SEMA5A: variants seen among roughly 807,000 people sequenced by gnomAD.
The protein encoded by SEMA5A is semaphorin-5A.
In SEMA5A, 55 loss-of-function variants were observed where a neutral mutation model predicts 135.5. That is an observed-to-expected ratio of 0.41 (90% CI 0.33 to 0.51). SEMA5A has a LOEUF of 0.51. SEMA5A is among the 20% of genes least tolerant of loss of function. The pLI is 0.37. For missense variants in SEMA5A, 1,290 were observed against 1,419.9 expected, an observed-to-expected ratio of 0.91 and a Z score of 1.47; for synonymous variants, 580 against 546.5, an observed-to-expected ratio of 1.06 and a Z score of -0.85.
chr5:9,328,402 G>T (rs1752970984), intron 4 of SEMA5A, among the ~76,000 whole-genome samples: 1 of 152,200 alleles, frequency 6.6e-6, no homozygotes, highest in African/African-American at 2.4e-5. Context: ...ACATATAAAT[G>T]TAGAAATCTC....
chr5:9,097,079 T>A (rs1318555007), intron 16 of SEMA5A, among the ~76,000 whole-genome samples: 1 of 152,070 alleles, frequency 6.6e-6, no homozygotes, highest in African/African-American at 2.4e-5. Context: ...CACGATAAAA[T>A]TTACTTTAAA....
chr5:9,065,346 A>G (rs1480240219), intron 17 of SEMA5A, among the ~76,000 whole-genome samples: 1 of 152,204 alleles, frequency 6.6e-6, no homozygotes, highest in Non-Finnish European at 1.5e-5. Flanking sequence ...ACAGAGCCAC[A>G]CTGTCTCAGA....
At chr5:9,489,513 T>C (rs2126796585) in intron 1 of SEMA5A, among the ~76,000 whole-genome samples, 1 of 152,300 alleles carries the variant, frequency 6.6e-6, no homozygotes, top group East Asian at 1.9e-4. Flanking sequence ...GTAAATGGAT[T>C]GTGCCAGATG....
intron 11 of SEMA5A, among the ~76,000 whole-genome samples, chr5:9,161,191 A>G (rs1015800863): frequency 1.3e-5 from 2 of 152,148 alleles, no homozygotes; most frequent in African/African-American, 4.8e-5. Context: ...ATGTGGCAGT[A>G]AGTAAAGCTA....
At chr5:9,240,499 GTCC>G (rs1156991717) in intron 5 of SEMA5A, among the ~76,000 whole-genome samples, 1 of 151,722 alleles carries the variant, frequency 6.6e-6, no homozygotes. Context: ...ATCCCATAGT[GTCC>G]TCCTATTCAC....
chr5:9,451,276 G>T (rs1340183979), intron 1 of SEMA5A, among the ~76,000 whole-genome samples: 4 of 152,144 alleles, frequency 2.6e-5, no homozygotes, highest in Non-Finnish European at 5.9e-5. Flanking sequence ...CATTACAGCA[G>T]CCACTGTAAA....
At chr5:9,469,452 T>C (rs1759393653) in intron 1 of SEMA5A, among the ~76,000 whole-genome samples, 1 of 152,216 alleles carries the variant, frequency 6.6e-6, no homozygotes, top group Non-Finnish European at 1.5e-5. Context: ...ATCTCCAAAA[T>C]AGCCACCACC....
At chr5:9,503,597 T>G (rs1735703961) in intron 1 of SEMA5A, among the ~76,000 whole-genome samples, 1 of 152,228 alleles carries the variant, frequency 6.6e-6, no homozygotes, top group Admixed American at 6.5e-5. Context: ...GTGTATTTTA[T>G]GTAGCATCCT....
At chr5:9,085,408 C>T (rs1738625302) in intron 16 of SEMA5A, among the ~76,000 whole-genome samples, 1 of 152,154 alleles carries the variant, frequency 6.6e-6, no homozygotes. Flanking sequence ...GGTCCCTGTG[C>T]TGTGTGCAGC....
At chr5:9,507,298 A>C (rs1323377000) in intron 1 of SEMA5A, among the ~76,000 whole-genome samples, 2 of 152,174 alleles carry the variant, frequency 1.3e-5, no homozygotes, top group Non-Finnish European at 2.9e-5. Flanking sequence ...TTTACATGTT[A>C]ACTAGTTCCT....
intron 20 of SEMA5A, 145 bp downstream of exon 20, chr5:9,051,728 G>T: frequency 1.1e-6 from 1 of 934,668 alleles, no homozygotes; most frequent in Non-Finnish European, 1.6e-6. Flanking sequence ...ATAGACCTAC[G>T]TTTTAAACAC....
chr5:9,390,265 A>G (rs1756093336), intron 2 of SEMA5A, among the ~76,000 whole-genome samples: 1 of 152,238 alleles, frequency 6.6e-6, no homozygotes, highest in South Asian at 2.1e-4. Context: ...GACTTAAAAA[A>G]AGGGGGGTCC....
chr5:9,490,276 C>A (rs1474028658), intron 1 of SEMA5A, among the ~76,000 whole-genome samples: 3 of 151,966 alleles, frequency 2.0e-5, no homozygotes, highest in African/African-American at 7.2e-5. Context: ...AGGAGAAAAC[C>A]AAAGGCAAAC....
intron 11 of SEMA5A, among the ~76,000 whole-genome samples, chr5:9,169,047 T>A (rs567244072): frequency 8.5e-4 from 129 of 152,210 alleles, no homozygotes; most frequent in African/African-American, 2.9e-3. Context: ...TTAGAAAAGA[T>A]GAAAAAATCC....
chr5:9,305,742 A>T (rs1391055748), intron 5 of SEMA5A, among the ~76,000 whole-genome samples: 1 of 150,654 alleles, frequency 6.6e-6, no homozygotes, highest in African/African-American at 2.5e-5. Flanking sequence ...ACGCACACAC[A>T]CACACACACA....
At chr5:9,185,360 C>G (rs372414100) in intron 11 of SEMA5A, among the ~76,000 whole-genome samples, 1 of 152,264 alleles carries the variant, frequency 6.6e-6, no homozygotes, top group African/African-American at 2.4e-5. Context: ...GCATATAAAC[C>G]TCTATATGAA....
Position 9,108,402 on chromosome 5 carries a change from A to G in SEMA5A, c.1926-115T>C, listed in dbSNP as rs1342883278. 18 of 1,231,146 alleles carry G rather than the reference A, an allele frequency of 1.5e-5. No homozygotes were observed. The East Asian group carries it at 2.9e-4, about 20-fold the overall frequency. 76.3% of individuals were successfully genotyped at this position (1,231,146 alleles called of 1,614,324 possible). On this transcript the variant is annotated intron_variant, in intron 15 of 22. Coordinates refer to ENST00000382496, the MANE Select transcript of SEMA5A (RefSeq NM_003966.3). ...GAACACATGGGCATGCTCTGCGTGGAGGAGCTTTTTGTATTTTGAGCAGTT... is the reference window on the plus strand; with the variant it reads ...GAACACATGGGCATGCTCTGCGTGGGGGAGCTTTTTGTATTTTGAGCAGTT...
At position 9,037,188 on chromosome 5, in the gene SEMA5A, A is replaced by G. The variant is rs1240249592; in HGVS notation, c.*5709T>C. 1 of 152,174 alleles carries G rather than the reference A, an allele frequency of 6.6e-6. No individual in the cohort carries two copies. The highest frequency in any genetic ancestry group is 1.5e-5 in the Non-Finnish European group (1 of 68,042). 9.4% of individuals were successfully genotyped at this position (152,174 alleles called of 1,614,324 possible). On this transcript the variant is annotated 3_prime_UTR_variant, in exon 23 of 23. Coordinates refer to ENST00000382496, the MANE Select transcript of SEMA5A (RefSeq NM_003966.3). ...CCTCTTTCCTCTTTCCAGATCTGAAAGTGCCCTTGACTAGTTCCTGCCATT... is the reference window on the plus strand; with the variant it reads ...CCTCTTTCCTCTTTCCAGATCTGAAGGTGCCCTTGACTAGTTCCTGCCATT...
rs578171075 is a variant in SEMA5A, at chr5:9,269,686, T to C, written c.271-31796A>G. On this transcript the variant is annotated intron_variant, in intron 5 of 22. Transcript: ENST00000382496. ...GAGACATAAAATATAAAATGTAAGA[T>C]TATACATGGTGGTGACCTTAAGGCT... Among the ~76,000 whole-genome samples, 16 of 152,232 alleles carry C rather than the reference T, an allele frequency of 1.1e-4. 1 individual carries two copies. The East Asian group carries it at 3.1e-3, about 29-fold the overall frequency.
Sources: gnomAD v4.1 joint callset for allele counts (sites outside exome capture counted in the v4.1 genomes callset) on GRCh38, gnomAD v4.1.1 for gene constraint, MANE v1.5 for transcripts, NCBI Gene and HGNC (gene_info 2026-07-23, HGNC 2026-07-21) for gene names.